The following DLGAP2 variants were observed in gnomAD, a reference collection of about 807,000 sequenced individuals.
The protein encoded by DLGAP2 is DLG associated protein 2.
In DLGAP2, 26 loss-of-function variants were observed where a neutral mutation model predicts 100.3. The ratio of observed to expected loss-of-function variants is 0.26; its 90% CI spans 0.19 to 0.36. The LOEUF (loss-of-function observed/expected upper bound fraction) is 0.36. Ranked by LOEUF, DLGAP2 falls within the 10% of genes least tolerant of loss-of-function variation. The pLI, the probability that DLGAP2 is intolerant of heterozygous loss-of-function variation, is 1.00. For synonymous variants in DLGAP2, 886 were observed against 630.1 expected (o/e 1.41, Z -6.08); for missense variants, 1,858 against 1,453.2 (o/e 1.28, Z -4.53).
chr8:983,052 C>T (rs949137388), intron 2 of DLGAP2, among the ~76,000 whole-genome samples: 6 of 152,182 alleles, frequency 3.9e-5, no homozygotes, highest in African/African-American at 7.2e-5. Context: ...CTACTATTCA[C>T]TTTTCCTGCG....
At chr8:1,478,714 T>G (rs1430581794) in intron 3 of DLGAP2, among the ~76,000 whole-genome samples, 1 of 151,708 alleles carries the variant, frequency 6.6e-6, no homozygotes, top group African/African-American at 2.4e-5. Context: ...GTCCGGGACA[T>G]GGCATTTGGA....
At chr8:1,511,924 G>C (rs1800178255) in intron 4 of DLGAP2, among the ~76,000 whole-genome samples, 1 of 152,246 alleles carries the variant, frequency 6.6e-6, no homozygotes, top group South Asian at 2.1e-4. Flanking sequence ...ATCAGAGCCT[G>C]ACAAAAAGCG....
At chr8:1,328,837 C>T (rs147564081) in intron 3 of DLGAP2, among the ~76,000 whole-genome samples, 2 of 152,150 alleles carry the variant, frequency 1.3e-5, no homozygotes, top group Non-Finnish European at 2.9e-5. Flanking sequence ...TGAGAAAGGC[C>T]GAACACAGAT....
At chr8:1,220,561 G>T (rs373353208) in intron 2 of DLGAP2, among the ~76,000 whole-genome samples, 2 of 152,242 alleles carry the variant, frequency 1.3e-5, no homozygotes, top group South Asian at 4.2e-4. Context: ...GTGTGGAGAT[G>T]AGACTATATA....
intron 3 of DLGAP2, among the ~76,000 whole-genome samples, chr8:1,417,736 C>CGAGGCTCCAGGGGG: frequency 6.1e-5 from 1 of 16,502 alleles, no homozygotes; most frequent in Non-Finnish European, 1.3e-4. Context: ...GACACAGAAG[C>CGAGGCTCCAGGGGG]CCACGGAGAC....
chr8:781,182 T>C (rs973122830), intron 1 of DLGAP2, among the ~76,000 whole-genome samples: 1 of 152,210 alleles, frequency 6.6e-6, no homozygotes, highest in Non-Finnish European at 1.5e-5. Context: ...TTCATACTTA[T>C]TGTTAGTAAG....
intron 2 of DLGAP2, among the ~76,000 whole-genome samples, chr8:968,361 C>G (rs923759325): frequency 4.6e-5 from 7 of 152,172 alleles, no homozygotes; most frequent in Non-Finnish European, 1.0e-4. Context: ...GAATGGGAAG[C>G]ATGGCCCCTG....
chr8:752,943 C>T (rs1404707301), intron 1 of DLGAP2, among the ~76,000 whole-genome samples: 2 of 152,160 alleles, frequency 1.3e-5, no homozygotes, highest in Non-Finnish European at 2.9e-5. Context: ...ACTCGGTTCC[C>T]AATTATTATC....
At chr8:1,352,556 T>C in intron 3 of DLGAP2, among the ~76,000 whole-genome samples, 1 of 152,318 alleles carries the variant, frequency 6.6e-6, no homozygotes, top group African/African-American at 2.4e-5. Context: ...TATTATAATA[T>C]CATTTTAATT....
chr8:1,207,279 C>A (rs371244308), intron 2 of DLGAP2, among the ~76,000 whole-genome samples: 1 of 152,174 alleles, frequency 6.6e-6, no homozygotes, highest in Non-Finnish European at 1.5e-5. Flanking sequence ...CATTCTTACG[C>A]CGTTGCATCC....
At chr8:781,901 G>A (rs866808406) in intron 1 of DLGAP2, among the ~76,000 whole-genome samples, 8 of 152,244 alleles carry the variant, frequency 5.3e-5, no homozygotes, top group Middle Eastern at 3.4e-3. Flanking sequence ...TTAGGAGATA[G>A]GATAATACCA....
intron 2 of DLGAP2, among the ~76,000 whole-genome samples, chr8:974,710 A>T (rs540631546): frequency 6.6e-6 from 1 of 152,312 alleles, no homozygotes; most frequent in South Asian, 2.1e-4. Flanking sequence ...GTAAAAATGA[A>T]AATTCAACTT....
intron 3 of DLGAP2, among the ~76,000 whole-genome samples, chr8:1,372,148 TA>T (rs1471475069): frequency 2.0e-5 from 3 of 152,004 alleles, no homozygotes; most frequent in Non-Finnish European, 2.9e-5. Flanking sequence ...ACACAGGTGA[TA>T]GGGTGGGTGG....
Position 1,256,848 on chromosome 8 carries a change from C to T in DLGAP2, c.74-2003C>T, listed in dbSNP as rs77877158. 8.0e-3 allele frequency among the ~76,000 whole-genome samples: 1,217 copies of T among 152,258 alleles called. 17 individuals are homozygous for T. The highest frequency in any genetic ancestry group is 0.028 in the African/African-American group (1,148 of 41,540). On this transcript the variant is annotated intron_variant, in intron 2 of 14. Transcript: ENST00000637795. ...TGGCCCGAGTCTGAGCTGGCTGCCC[C>T]GTGTCCCCTGGGTAACAGGAGCCCC...
intron 2 of DLGAP2, among the ~76,000 whole-genome samples, chr8:1,111,431 C>T (rs1282672618): frequency 6.6e-6 from 1 of 151,784 alleles, no homozygotes; most frequent in Non-Finnish European, 1.5e-5. Context: ...TTCCGCGGTA[C>T]ATGTGAAGGC....
chr8:1,298,398 G>T, intron 3 of DLGAP2, among the ~76,000 whole-genome samples: 1 of 152,310 alleles, frequency 6.6e-6, no homozygotes, highest in Middle Eastern at 3.4e-3. Flanking sequence ...CCGTCCCTCA[G>T]TGGAGACACC....
chr8:1,139,678 C>G lies in DLGAP2; in HGVS notation c.74-119173C>G, dbSNP rs1796486775. Among the ~76,000 whole-genome samples the G allele has an allele frequency of 2.6e-5, 4 of 152,286 alleles. No homozygotes were observed. In the South Asian group the frequency reaches 8.3e-4, roughly 32 times the overall value. ...CCAGGGAGACACTTTATCAAGGGAA[C>G]AGTAAGGCCACCTAGAACTGTGGCA... On this transcript the variant is annotated intron_variant, in intron 2 of 14. Transcript: ENST00000637795.
At chr8:767,201 T>C (rs1314714013) in intron 1 of DLGAP2, among the ~76,000 whole-genome samples, 1 of 152,108 alleles carries the variant, frequency 6.6e-6, no homozygotes, top group Non-Finnish European at 1.5e-5. Flanking sequence ...CTTGTGGTCC[T>C]GCATGATGGA....
intron 4 of DLGAP2, among the ~76,000 whole-genome samples, chr8:1,548,204 A>G (rs770043278): frequency 1.1e-4 from 16 of 152,076 alleles, no homozygotes; most frequent in Non-Finnish European, 1.9e-4. Flanking sequence ...TCATATCTGT[A>G]ATCCCAGGAC....
Sources: allele counts gnomAD v4.1 joint callset (sites outside exome capture counted in the v4.1 genomes callset), GRCh38; gene constraint gnomAD v4.1.1; transcripts MANE v1.5; gene names NCBI Gene and HGNC (gene_info 2026-07-23, HGNC 2026-07-21).